MTMR12: variants seen among roughly 807,000 people sequenced by gnomAD.
The protein encoded by MTMR12 is myotubularin related protein 12, also known as myotubularin-related protein 12.
Under a neutral mutation model 96.7 loss-of-function variants are expected in MTMR12, and 33 were observed. The observed-to-expected ratio is 0.34, with a 90% CI of 0.26 to 0.46. The LOEUF (loss-of-function observed/expected upper bound fraction) is 0.46, where lower values mean the gene tolerates loss of function less well. MTMR12 is among the 20% of genes least tolerant of loss of function. The pLI is 1.00. For synonymous variants in MTMR12, 298 were observed against 327.2 expected (o/e 0.91, Z 0.96); for missense variants, 721 against 896.1 (o/e 0.80, Z 2.49).
intron 2 of MTMR12, among the ~76,000 whole-genome samples, chr5:32,275,990 T>C (rs1750036667): frequency 6.6e-6 from 1 of 152,170 alleles, no homozygotes; most frequent in African/African-American, 2.4e-5. Context: ...CTTAAAGAAC[T>C]TATTTTAAAA....
chr5:32,281,520 T>C (rs2112107930), intron 1 of MTMR12, among the ~76,000 whole-genome samples: 1 of 152,322 alleles, frequency 6.6e-6, no homozygotes, highest in South Asian at 2.1e-4. Flanking sequence ...ATGATTTATG[T>C]CTGGTCATTA....
At chr5:32,305,443 C>T (rs1290777151) in intron 1 of MTMR12, among the ~76,000 whole-genome samples, 1 of 152,106 alleles carries the variant, frequency 6.6e-6, no homozygotes, top group African/African-American at 2.4e-5. Flanking sequence ...TTAAAGTTAT[C>T]TTTACCGCTA....
rs1419985741 is a variant in MTMR12, at chr5:32,229,485, T to C, written c.*293A>G. 1.5e-5 allele frequency: 4 copies of C among 259,354 alleles called. No homozygotes were observed. The highest frequency in any genetic ancestry group is 2.9e-5 in the Non-Finnish European group (4 of 138,220). 16.1% of individuals were successfully genotyped at this position (259,354 alleles called of 1,614,324 possible). A position where few individuals can be genotyped will look rare whatever the true frequency, so the allele number is the denominator to read the frequency against. On this transcript the variant is annotated 3_prime_UTR_variant, in exon 16 of 16. Transcript: ENST00000382142. The stretch of plus-strand genomic sequence containing the variant: ...ACTGAAGCCCTTTCTGGTAGTAAAC[T>C]GGCCATTGTGGGCTCTGTATAATAC...
intron 1 of MTMR12, among the ~76,000 whole-genome samples, chr5:32,305,112 G>A (rs1018084679): frequency 1.3e-5 from 2 of 151,806 alleles, no homozygotes; most frequent in African/African-American, 2.4e-5. Flanking sequence ...TTTTTGAGAC[G>A]GGGTCTTGCT....
chr5:32,285,045 G>A (rs1750473379), intron 1 of MTMR12, among the ~76,000 whole-genome samples: 1 of 152,152 alleles, frequency 6.6e-6, no homozygotes, highest in Non-Finnish European at 1.5e-5. Flanking sequence ...ATATCTCAGT[G>A]GGGCTTAAAT....
intron 15 of MTMR12, among the ~76,000 whole-genome samples, chr5:32,230,843 C>G (rs1313978719): frequency 6.6e-6 from 1 of 152,236 alleles, no homozygotes; most frequent in Non-Finnish European, 1.5e-5. Context: ...CCAGAAGATA[C>G]TATCACATGG....
chr5:32,227,155 T>C lies in MTMR12; in HGVS notation c.*2623A>G, dbSNP rs935843830. The C allele has an allele frequency of 9.8e-5, 15 of 152,678 alleles. No homozygotes were observed. Among genetic ancestry groups the C allele is most frequent in the African/African-American group, 3.6e-4 (15 of 41,466 alleles). The allele number at this position is 152,678 out of a possible 1,614,324, so 9.5% of individuals were successfully genotyped here. A position where few individuals can be genotyped will look rare whatever the true frequency, so the allele number is the denominator to read the frequency against. On this transcript the variant is annotated 3_prime_UTR_variant, in exon 16 of 16. Coordinates refer to ENST00000382142, the MANE Select transcript of MTMR12 (RefSeq NM_001040446.3). Reference sequence around the variant, plus strand: ...TTCCCTTATAAAGAAAAAAAAAGTTTTGAATTAAAGCTAGTTTATCTTCAG... The same window carrying C: ...TTCCCTTATAAAGAAAAAAAAAGTTCTGAATTAAAGCTAGTTTATCTTCAG...
At chr5:32,301,130 G>A (rs933081746) in intron 1 of MTMR12, among the ~76,000 whole-genome samples, 1 of 152,144 alleles carries the variant, frequency 6.6e-6, no homozygotes, top group East Asian at 1.9e-4. Context: ...AACTAGGCAA[G>A]CTGGGGTGGG....
In MTMR12 at chr5:32,274,005, T is replaced by G. The variant is rs747515404; in HGVS notation, c.260A>C (p.Asp87Ala). The change falls in exon 3 of 16, where the codon GAT becomes GCT. Residue 87 changes from aspartate to alanine, a missense_variant. Asp to Ala is a moderately radical substitution (Grantham distance 126). Transcript: ENST00000382142. ...ATCATTATCCAATGCAGATTCATCA[T>G]CACCCAAGAAGGCAATCTTGAAGTC... ...CTDFKIAFLG[D>A]DESALDNDET... 1.2e-6 allele frequency: 2 copies of G among 1,614,180 alleles called. No individual in the cohort carries two copies. The highest frequency in any genetic ancestry group is 1.1e-5 in the South Asian group (1 of 91,080).
chr5:32,238,606 A>G (rs1303462858), intron 13 of MTMR12, among the ~76,000 whole-genome samples: 2 of 152,190 alleles, frequency 1.3e-5, no homozygotes, highest in Non-Finnish European at 2.9e-5. Context: ...GGGATGCTCA[A>G]CCTATATTTT....
chr5:32,248,165 C>T (rs1206499732), intron 9 of MTMR12, 39 bp from the exon 10 acceptor site: 1 of 1,597,222 alleles, frequency 6.3e-7, no homozygotes, highest in Non-Finnish European at 8.6e-7. Context: ...GAAGAGCAAA[C>T]TCAAATTTTG....
intron 1 of MTMR12, among the ~76,000 whole-genome samples, chr5:32,294,188 C>G (rs1439062124): frequency 6.6e-6 from 1 of 152,234 alleles, no homozygotes; most frequent in Admixed American, 6.5e-5. Flanking sequence ...CCACACAGTT[C>G]AGGTCCTGTG....
chr5:32,235,351 C>T (rs79052708), intron 13 of MTMR12, among the ~76,000 whole-genome samples: 1,843 of 152,252 alleles, frequency 0.012, 26 homozygotes, highest in African/African-American at 0.041. Context: ...ATTTCAAAGA[C>T]GAAATATGTA....
At chr5:32,296,587 T>C (rs1303849553) in intron 1 of MTMR12, 2 of 215,256 alleles carry the variant, frequency 9.3e-6, no homozygotes, top group African/African-American at 2.3e-5. Context: ...GGAGTGGGGA[T>C]TGCTTGAGGC....
At chr5:32,245,836 A>C (rs67000390) in intron 10 of MTMR12, among the ~76,000 whole-genome samples, 51,649 of 151,878 alleles carry the variant, frequency 0.34, 9,051 homozygotes, top group East Asian at 0.5. Context: ...TCAGAAAAAA[A>C]AAAACCTCTC....
chr5:32,310,285 A>T (rs1158870443), intron 1 of MTMR12, among the ~76,000 whole-genome samples: 2 of 152,214 alleles, frequency 1.3e-5, no homozygotes, highest in African/African-American at 4.8e-5. Flanking sequence ...CCTAAGCGAC[A>T]AAGCAAGATC....
Position 32,312,910 on chromosome 5 carries a change from G to T in MTMR12, c.-72C>A. 1 of 1,374,540 alleles carries T rather than the reference G, an allele frequency of 7.3e-7. No individual in the cohort carries two copies. The highest frequency in any genetic ancestry group is 9.6e-7 in the Non-Finnish European group (1 of 1,044,172). The allele number at this position is 1,374,540 out of a possible 1,614,324, so 85.1% of individuals were successfully genotyped here. A position where few individuals can be genotyped will look rare whatever the true frequency, so the allele number is the denominator to read the frequency against. The stretch of plus-strand genomic sequence containing the variant: ...TCGGGCTCCAGCTGGGGCAGCAGCG[G>T]CGGCCACCAGCACTAGCGGCTGGGG... On this transcript the variant is annotated 5_prime_UTR_variant, in exon 1 of 16. Transcript: ENST00000382142. The surrounding 1 kb of genome is among the most constrained non-coding windows in gnomAD (Gnocchi z 5.0).
chr5:32,297,216 AATC>A (rs1455835651), intron 1 of MTMR12, among the ~76,000 whole-genome samples: 2 of 152,198 alleles, frequency 1.3e-5, no homozygotes, highest in Non-Finnish European at 2.9e-5. Context: ...ATAGTTGTAC[AATC>A]ATCACCACAA....
At chr5:32,298,467 C>T (rs746313921) in intron 1 of MTMR12, among the ~76,000 whole-genome samples, 17 of 152,104 alleles carry the variant, frequency 1.1e-4, no homozygotes, top group Non-Finnish European at 2.2e-4. Flanking sequence ...CTCCTAGAAG[C>T]CCTTGAGACA....
Sources: allele counts gnomAD v4.1 joint callset (sites outside exome capture counted in the v4.1 genomes callset), GRCh38; gene constraint gnomAD v4.1.1; non-coding constraint Gnocchi (gnomAD v3.1); transcripts MANE v1.5; gene names NCBI Gene and HGNC (gene_info 2026-07-23, HGNC 2026-07-21).